The following EPHA3 variants were observed in gnomAD, a reference collection of about 807,000 sequenced individuals.
EPHA3 encodes EPH receptor A3.
EPHA3 carries 42 observed loss-of-function variants against 107.1 expected under a neutral mutation model. The ratio of observed to expected loss-of-function variants is 0.39; its 90% CI spans 0.31 to 0.51. The LOEUF (loss-of-function observed/expected upper bound fraction) is 0.51, where lower values mean the gene tolerates loss of function less well. Ranked by LOEUF, EPHA3 falls within the 20% of genes least tolerant of loss-of-function variation. The probability of loss-of-function intolerance (pLI) is 0.78; values close to 1 mark genes in which losing one functional copy is unlikely to be tolerated. For synonymous variants in EPHA3, 461 were observed against 424.8 expected (o/e 1.09, Z -1.05); for missense variants, 1,183 against 1,211.2 (o/e 0.98, Z 0.35).
chr3:89,348,099 G>T (rs1174531983), intron 5 of EPHA3, among the ~76,000 whole-genome samples: 3 of 148,042 alleles, frequency 2.0e-5, no homozygotes, highest in African/African-American at 4.9e-5. Flanking sequence ...ATCTCTGCCC[G>T]GCTTTGGTAT....
At chr3:89,187,819 C>G (rs1476249313) in intron 2 of EPHA3, among the ~76,000 whole-genome samples, 1 of 152,136 alleles carries the variant, frequency 6.6e-6, no homozygotes, top group Admixed American at 6.6e-5. Flanking sequence ...AGGAACACTT[C>G]AGAGGCTGCG....
chr3:89,284,268 T>A (rs1226602811), intron 3 of EPHA3, among the ~76,000 whole-genome samples: 2 of 152,228 alleles, frequency 1.3e-5, no homozygotes, highest in East Asian at 1.9e-4. Context: ...TTTATGATAG[T>A]TTTTTAATAG....
chr3:89,256,187 G>T (rs1288677122), intron 3 of EPHA3, among the ~76,000 whole-genome samples: 2 of 151,444 alleles, frequency 1.3e-5, no homozygotes, highest in African/African-American at 2.4e-5. Flanking sequence ...GGAGGCAGAG[G>T]TTGCAGTTAG....
At chr3:89,207,341 G>C (rs1025294065) in intron 2 of EPHA3, among the ~76,000 whole-genome samples, 8 of 152,104 alleles carry the variant, frequency 5.3e-5, no homozygotes, top group Admixed American at 1.3e-4. Context: ...AGGAGAAAAG[G>C]AGGGAGGCAA....
chr3:89,151,782 G>T (rs1704695635), intron 2 of EPHA3, among the ~76,000 whole-genome samples: 2 of 151,886 alleles, frequency 1.3e-5, no homozygotes, highest in South Asian at 2.1e-4. Context: ...GAGCATAATA[G>T]AAATAATAGA....
intron 1 of EPHA3, among the ~76,000 whole-genome samples, chr3:89,116,801 T>C (rs1007756743): frequency 1.3e-5 from 2 of 151,800 alleles, no homozygotes; most frequent in Non-Finnish European, 2.9e-5. Context: ...ATATTTTCCA[T>C]GAACAAAGTG....
intron 15 of EPHA3, among the ~76,000 whole-genome samples, chr3:89,456,782 A>G (rs896866018): frequency 9.9e-5 from 15 of 152,188 alleles, no homozygotes; most frequent in African/African-American, 3.6e-4. Context: ...TTTTTCTAAA[A>G]GTAGAGTAAA....
At chr3:89,160,172 T>C (rs183681054) in intron 2 of EPHA3, among the ~76,000 whole-genome samples, 1 of 152,152 alleles carries the variant, frequency 6.6e-6, no homozygotes, top group Admixed American at 6.6e-5. Context: ...GAACATAATA[T>C]ATAATATATT....
chr3:89,296,771 T>C (rs9845870), intron 3 of EPHA3, among the ~76,000 whole-genome samples: 76,006 of 152,006 alleles, frequency 0.5, 20,050 homozygotes, highest in African/African-American at 0.67. Context: ...CAGATGGTAT[T>C]TTCTTCAAAT....
chr3:89,185,692 C>T (rs1282661083), intron 2 of EPHA3, among the ~76,000 whole-genome samples: 1 of 152,072 alleles, frequency 6.6e-6, no homozygotes, highest in Admixed American at 6.6e-5. Flanking sequence ...TGCATCCTCA[C>T]AATTTCCACA....
intron 3 of EPHA3, among the ~76,000 whole-genome samples, chr3:89,240,619 T>C (rs1157007367): frequency 6.6e-6 from 1 of 152,028 alleles, no homozygotes; most frequent in Non-Finnish European, 1.5e-5. Flanking sequence ...ATTATGCAGA[T>C]AGTACCCATT....
At chr3:89,411,513 T>C (rs1559686085) in intron 9 of EPHA3, among the ~76,000 whole-genome samples, 1 of 151,866 alleles carries the variant, frequency 6.6e-6, no homozygotes, top group Non-Finnish European at 1.5e-5. Flanking sequence ...ATGCAAATAA[T>C]AGCTGAGGAA....
intron 3 of EPHA3, among the ~76,000 whole-genome samples, chr3:89,212,692 A>G (rs1704132111): frequency 6.6e-6 from 1 of 151,740 alleles, no homozygotes; most frequent in South Asian, 2.1e-4. Flanking sequence ...GGCTTTTTAT[A>G]TAGTCAGTTA....
chr3:89,203,638 G>T (rs1308914057), intron 2 of EPHA3, among the ~76,000 whole-genome samples: 2 of 151,844 alleles, frequency 1.3e-5, no homozygotes, highest in African/African-American at 4.8e-5. Flanking sequence ...TCAGCCGGGC[G>T]CAGTGGCGGG....
rs1414382558 is a variant in EPHA3, at chr3:89,351,782, G to A, written c.1306+9692G>A. ...AGATACTAGTCAACTTTTGTTCATT[G>A]TTTCACTCATATCCAAATGGCAAAA... is the stretch of plus-strand genomic sequence containing the variant. On this transcript the variant is annotated intron_variant, in intron 5 of 16. Coordinates refer to ENST00000336596, the MANE Select transcript of EPHA3 (RefSeq NM_005233.6). 2.6e-5 allele frequency among the ~76,000 whole-genome samples: 4 copies of A among 151,084 alleles called. No individual in the cohort carries two copies. The East Asian group carries it at 7.8e-4, about 29-fold the overall frequency.
chr3:89,343,910 T>C (rs940729071), intron 5 of EPHA3, among the ~76,000 whole-genome samples: 1 of 152,198 alleles, frequency 6.6e-6, no homozygotes, highest in Non-Finnish European at 1.5e-5. Flanking sequence ...TTTAAAAGTT[T>C]ATAACTTAGG....
intron 7 of EPHA3, chr3:89,399,722 TTC>T: frequency 8.3e-7 from 1 of 1,209,378 alleles, no homozygotes; most frequent in Admixed American, 4.3e-5. Context: ...CCTGAAATGC[TTC>T]TGTTTTTTTT....
chr3:89,308,667 C>T (rs1706690755), intron 3 of EPHA3, among the ~76,000 whole-genome samples: 1 of 151,358 alleles, frequency 6.6e-6, no homozygotes, highest in African/African-American at 2.4e-5. Flanking sequence ...AAATGACATT[C>T]AACTCAGCAA....
intron 3 of EPHA3, among the ~76,000 whole-genome samples, chr3:89,243,210 A>C (rs1233899085): frequency 6.6e-6 from 1 of 152,090 alleles, no homozygotes; most frequent in East Asian, 1.9e-4. Flanking sequence ...TGCCGCGATA[A>C]ACATATGTGT....
Sources: allele counts gnomAD v4.1 joint callset (sites outside exome capture counted in the v4.1 genomes callset), GRCh38; gene constraint gnomAD v4.1.1; transcripts MANE v1.5; gene names NCBI Gene and HGNC (gene_info 2026-07-23, HGNC 2026-07-21).